KCNT2: variants seen among roughly 807,000 people sequenced by gnomAD.
The protein encoded by KCNT2 is potassium sodium-activated channel subfamily T member 2.
Under a neutral mutation model 153.8 loss-of-function variants are expected in KCNT2, and 67 were observed. The ratio of observed to expected loss-of-function variants is 0.44; its 90% CI spans 0.36 to 0.53. The LOEUF (loss-of-function observed/expected upper bound fraction) is 0.53, where lower values mean the gene tolerates loss of function less well. Ranked by LOEUF, KCNT2 falls within the 20% of genes least tolerant of loss-of-function variation. KCNT2 has a pLI of 0.00. For synonymous variants in KCNT2, 500 were observed against 458.8 expected, an observed-to-expected ratio of 1.09 and a Z score of -1.15; for missense variants, 975 against 1,354.8, an observed-to-expected ratio of 0.72 and a Z score of 4.40.
At chr1:196,521,760 C>A (rs904641335) in intron 1 of KCNT2, among the ~76,000 whole-genome samples, 1 of 151,872 alleles carries the variant, frequency 6.6e-6, no homozygotes, top group African/African-American at 2.4e-5. Context: ...CACATGGACA[C>A]AAAGAGGGAA....
intron 1 of KCNT2, among the ~76,000 whole-genome samples, chr1:196,521,506 C>A (rs1220808589): frequency 6.6e-6 from 1 of 152,044 alleles, no homozygotes; most frequent in African/African-American, 2.4e-5. Flanking sequence ...CCCACATATT[C>A]TTTGCAGCAA....
At chr1:196,494,957 G>A in intron 1 of KCNT2, among the ~76,000 whole-genome samples, 1 of 151,276 alleles carries the variant, frequency 6.6e-6, no homozygotes, top group East Asian at 1.9e-4. Context: ...CTGGACAACA[G>A]CATGCGAGCC....
intron 12 of KCNT2, among the ~76,000 whole-genome samples, chr1:196,402,982 A>G (rs1178945753): frequency 1.3e-5 from 2 of 151,678 alleles, no homozygotes; most frequent in Non-Finnish European, 3.0e-5. Context: ...GCAAAATGAT[A>G]CATCAAATTT....
intron 3 of KCNT2, among the ~76,000 whole-genome samples, chr1:196,486,747 A>G (rs1679450997): frequency 6.6e-6 from 1 of 151,994 alleles, no homozygotes; most frequent in Non-Finnish European, 1.5e-5. Context: ...TAATGTATTA[A>G]CAAATAATAA....
At chr1:196,486,155 A>G (rs1000618019) in intron 3 of KCNT2, among the ~76,000 whole-genome samples, 1 of 152,002 alleles carries the variant, frequency 6.6e-6, no homozygotes. Context: ...GTCTGTGTAT[A>G]GAGAGAATTT....
intron 1 of KCNT2, among the ~76,000 whole-genome samples, chr1:196,575,259 G>A (rs554283038): frequency 1.4e-4 from 22 of 152,056 alleles, no homozygotes; most frequent in African/African-American, 4.6e-4. Context: ...TTTAAATTTG[G>A]AATTCTTTGT....
chr1:196,263,352 T>C (rs984640008), intron 25 of KCNT2, among the ~76,000 whole-genome samples: 10 of 152,208 alleles, frequency 6.6e-5, no homozygotes, highest in Non-Finnish European at 1.0e-4. Flanking sequence ...TGGATGAAGC[T>C]GGAAACCATC....
At chr1:196,388,558 T>A (rs1670200877) in intron 13 of KCNT2, among the ~76,000 whole-genome samples, 1 of 151,688 alleles carries the variant, frequency 6.6e-6, no homozygotes, top group African/African-American at 2.4e-5. Flanking sequence ...ATTTAGCTCT[T>A]TAAGAATTTC....
chr1:196,332,992 G>A lies in KCNT2; in HGVS notation c.1997+855C>T, dbSNP rs960357126. On this transcript the variant is annotated intron_variant, in intron 17 of 27. Coordinates refer to ENST00000294725, the MANE Select transcript of KCNT2 (RefSeq NM_198503.5). ...TAAAGTTTGAGACCAGCCACACCAC[G>A]TTGGTCAGGCTTGTCTCAAACTCCT... is the stretch of plus-strand genomic sequence containing the variant. Among the ~76,000 whole-genome samples, 4 of 151,348 alleles carry A rather than the reference G, an allele frequency of 2.6e-5. No individual in the cohort carries two copies. In the East Asian group the frequency reaches 5.8e-4, roughly 22 times the overall value.
intron 1 of KCNT2, among the ~76,000 whole-genome samples, chr1:196,606,453 G>T (rs1245457347): frequency 6.6e-6 from 1 of 152,090 alleles, no homozygotes; most frequent in Non-Finnish European, 1.5e-5. Context: ...AGTAAATGTG[G>T]CCTGCTTTTT....
chr1:196,253,941 A>G (rs1263869326), intron 26 of KCNT2, among the ~76,000 whole-genome samples: 1 of 151,566 alleles, frequency 6.6e-6, no homozygotes, highest in Non-Finnish European at 1.5e-5. Context: ...GTAAAGATTA[A>G]ATATATGTAT....
intron 5 of KCNT2, among the ~76,000 whole-genome samples, chr1:196,478,920 C>A (rs183214723): frequency 6.6e-6 from 1 of 152,110 alleles, no homozygotes; most frequent in Non-Finnish European, 1.5e-5. Context: ...AAAGTTGAAC[C>A]ATTCCATTTG....
chr1:196,288,933 C>A (rs1358285167), intron 22 of KCNT2, among the ~76,000 whole-genome samples: 2 of 152,038 alleles, frequency 1.3e-5, no homozygotes, highest in Non-Finnish European at 2.9e-5. Flanking sequence ...TTTCCGCTTA[C>A]TAATTGTATG....
intron 26 of KCNT2, among the ~76,000 whole-genome samples, chr1:196,246,930 A>G (rs1240334233): frequency 1.3e-5 from 2 of 152,128 alleles, no homozygotes; most frequent in African/African-American, 4.8e-5. Flanking sequence ...ATAAGTTGTT[A>G]CTTATCAATG....
chr1:196,501,827 G>T (rs1302739254), intron 1 of KCNT2, among the ~76,000 whole-genome samples: 2 of 152,130 alleles, frequency 1.3e-5, no homozygotes, highest in Non-Finnish European at 2.9e-5. Flanking sequence ...ATTTTAAAAA[G>T]GTAGTTTTGG....
At chr1:196,602,770 ATTTTTTTTT>A (rs148932905) in intron 1 of KCNT2, among the ~76,000 whole-genome samples, 6 of 84,628 alleles carry the variant, frequency 7.1e-5, no homozygotes, top group Non-Finnish European at 1.0e-4. Context: ...TTCAAAGTCT[ATTTTTTTTT>A]TTTTTTTTTT....
chr1:196,465,863 G>C (rs1677568374), intron 7 of KCNT2, among the ~76,000 whole-genome samples: 1 of 151,780 alleles, frequency 6.6e-6, no homozygotes, highest in Non-Finnish European at 1.5e-5. Flanking sequence ...AAATAAAATA[G>C]CCAATAAACA....
At chr1:196,275,262 T>A (rs940250728) in intron 25 of KCNT2, among the ~76,000 whole-genome samples, 2 of 151,820 alleles carry the variant, frequency 1.3e-5, no homozygotes, top group Admixed American at 6.6e-5. Context: ...TTGTCAAAAT[T>A]CCCTGAACTG....
intron 8 of KCNT2, among the ~76,000 whole-genome samples, chr1:196,430,432 T>TTC (rs1205264479): frequency 9.0e-4 from 135 of 149,436 alleles, no homozygotes; most frequent in African/African-American, 3.0e-3. Context: ...CTCTCTCTCT[T>TTC]TCTCTCTCTC....
Sources: allele counts gnomAD v4.1 joint callset (sites outside exome capture counted in the v4.1 genomes callset), GRCh38; gene constraint gnomAD v4.1.1; transcripts MANE v1.5; gene names NCBI Gene and HGNC (gene_info 2026-07-23, HGNC 2026-07-21).